Variants in MYT1L observed in about 807,000 individuals in gnomAD.
MYT1L encodes the protein myelin transcription factor 1-like protein.
A neutral mutation model predicts 126.7 loss-of-function variants in MYT1L; 12 were observed. The observed-to-expected ratio is 0.09, with a 90% confidence interval of 0.06 to 0.15. MYT1L has a LOEUF of 0.15. Among genes scored for constraint, MYT1L ranks in the 10% least tolerant of loss-of-function variants. The pLI is 1.00. For missense variants in MYT1L, 979 were observed against 1,585.2 expected, an observed-to-expected ratio of 0.62 and a Z score of 6.49; for synonymous variants, 541 against 604.2, an observed-to-expected ratio of 0.90 and a Z score of 1.53.
At chr2:1,911,960 G>A (rs1189283153) in intron 12 of MYT1L, 60 bp downstream of exon 12, 2 of 1,344,138 alleles carry the variant, frequency 1.5e-6, no homozygotes, top group Admixed American at 2.1e-5. Context: ...CCCCAGGAAG[G>A]AGAAGGCATG....
intron 9 of MYT1L, among the ~76,000 whole-genome samples, chr2:1,937,785 C>T (rs981093164): frequency 6.6e-6 from 1 of 152,184 alleles, no homozygotes; most frequent in East Asian, 1.9e-4. Context: ...CATCAGATCG[C>T]ACGTGGAGAA....
intron 15 of MYT1L, among the ~76,000 whole-genome samples, chr2:1,891,278 G>A (rs1451698581): frequency 6.6e-6 from 1 of 152,180 alleles, no homozygotes. Context: ...TTGTTTATCA[G>A]GAGAGGAGGT....
intron 2 of MYT1L, among the ~76,000 whole-genome samples, chr2:2,203,038 T>C (rs1323053354): frequency 2.0e-5 from 3 of 150,212 alleles, no homozygotes; most frequent in East Asian, 1.9e-4. Flanking sequence ...ATTATCTCAA[T>C]AGATGCAGAA....
At chr2:1,931,745 A>C (rs2055021597) in intron 9 of MYT1L, among the ~76,000 whole-genome samples, 1 of 152,172 alleles carries the variant, frequency 6.6e-6, no homozygotes, top group Non-Finnish European at 1.5e-5. Context: ...ATCCACCAAT[A>C]GAAGGGATTC....
At chr2:2,317,557 C>G (rs1192153240) in intron 1 of MYT1L, among the ~76,000 whole-genome samples, 1 of 151,618 alleles carries the variant, frequency 6.6e-6, no homozygotes, top group Non-Finnish European at 1.5e-5. Flanking sequence ...ATGTCATTGT[C>G]TAGGTTGACT....
intron 4 of MYT1L, among the ~76,000 whole-genome samples, chr2:2,004,290 C>CATTCTTTCCT (rs2062847414): frequency 7.2e-6 from 1 of 139,238 alleles, no homozygotes; most frequent in Non-Finnish European, 1.6e-5. Flanking sequence ...TTCCTGCATG[C>CATTCTTTCCT]GTTCTTTCCT....
At chr2:1,821,443 G>A (rs891129498) in intron 21 of MYT1L, among the ~76,000 whole-genome samples, 5 of 151,934 alleles carry the variant, frequency 3.3e-5, no homozygotes, top group African/African-American at 1.2e-4. Flanking sequence ...CGTGTTCTCT[G>A]AATGTTTCTT....
At chr2:2,145,642 G>GACAC (rs139332300) in intron 3 of MYT1L, among the ~76,000 whole-genome samples, 2,557 of 146,506 alleles carry the variant, frequency 0.017, 67 homozygotes, top group African/African-American at 0.058. Context: ...ACACACACAA[G>GACAC]ACACACACAC....
chr2:2,153,612 G>C (rs2086199976), intron 3 of MYT1L, among the ~76,000 whole-genome samples: 1 of 152,164 alleles, frequency 6.6e-6, no homozygotes, highest in Non-Finnish European at 1.5e-5. Flanking sequence ...TGTCAGGTGT[G>C]GCTTGGAAGA....
In MYT1L at chr2:1,848,882, C is replaced by T. The variant is rs747008474; in HGVS notation, c.2774+2759G>A. On this transcript the variant is annotated intron_variant, in intron 19 of 24. Transcript: ENST00000647738. This position sits in a 1 kb window ranked among gnomAD's most constrained non-coding sequence, Gnocchi z 4.8. ...GGGAAGCTGTTACTAGAACAAGTAA[C>T]GTCACAAGGTGCTCCACCTTCAGTA... is the stretch of plus-strand genomic sequence containing the variant. Among the ~76,000 whole-genome samples the T allele has an allele frequency of 2.0e-5, 3 of 152,128 alleles. No individual in the cohort carries two copies. Among genetic ancestry groups the T allele is most frequent in the East Asian group, 3.9e-4 (2 of 5,178 alleles).
At chr2:2,259,554 G>T (rs2094908439) in intron 2 of MYT1L, among the ~76,000 whole-genome samples, 2 of 151,882 alleles carry the variant, frequency 1.3e-5, no homozygotes, top group South Asian at 4.1e-4. Flanking sequence ...TATTTTAAAA[G>T]AGCTGAAAAA....
intron 3 of MYT1L, among the ~76,000 whole-genome samples, chr2:2,096,725 C>A (rs1006715930): frequency 3.3e-5 from 5 of 152,108 alleles, no homozygotes; most frequent in Non-Finnish European, 7.4e-5. Context: ...TTATCCTACC[C>A]CCAGCTCACC....
chr2:1,927,569 C>A (rs1256202851), intron 9 of MYT1L, among the ~76,000 whole-genome samples: 1 of 152,168 alleles, frequency 6.6e-6, no homozygotes, highest in Non-Finnish European at 1.5e-5. Flanking sequence ...TTGATTCCTG[C>A]AACATCTAGT....
Position 1,979,750 on chromosome 2 carries a change from G to T in MYT1L, c.28C>A (p.His10Asn). MEVDTEEKRHRTRSKGVRVP... is the reference protein window; with the variant it reads MEVDTEEKRNRTRSKGVRVP... ...CGAACCCCTTTGGACCGCGTGCGAT[G>T]CCGCTTCTCCTCGGTGTCCACCTCC... is the stretch of plus-strand genomic sequence containing the variant. Residue 10 changes from histidine to asparagine, a missense_variant, in exon 6 of 25, where the codon CAT becomes AAT. Physicochemically the swap from His to Asn is moderately conservative, Grantham distance 68. Coordinates refer to ENST00000647738, the MANE Select transcript of MYT1L (RefSeq NM_001303052.2). This position sits in a 1 kb window ranked among gnomAD's most constrained non-coding sequence, Gnocchi z 4.0. 1 of 1,613,988 alleles carries T rather than the reference G, an allele frequency of 6.2e-7. No homozygotes were observed. Among genetic ancestry groups the T allele is most frequent in the Non-Finnish European group, 8.5e-7 (1 of 1,179,904 alleles).
At chr2:2,089,877 T>A (rs1393745171) in intron 3 of MYT1L, among the ~76,000 whole-genome samples, 1 of 152,192 alleles carries the variant, frequency 6.6e-6, no homozygotes, top group Non-Finnish European at 1.5e-5. Flanking sequence ...TTCCTGGCAG[T>A]GAAAATATGT....
chr2:1,970,170 C>T (rs1255038745), intron 8 of MYT1L, among the ~76,000 whole-genome samples: 1 of 152,140 alleles, frequency 6.6e-6, no homozygotes, highest in Non-Finnish European at 1.5e-5. Flanking sequence ...CATCCACTTC[C>T]CAGAGCCGGA....
At chr2:2,323,860 A>G (rs1443757841) in intron 1 of MYT1L, among the ~76,000 whole-genome samples, 1 of 152,232 alleles carries the variant, frequency 6.6e-6, no homozygotes, top group African/African-American at 2.4e-5. Flanking sequence ...AATACATACT[A>G]GTCAAAACTA....
chr2:2,184,000 GGAGAAA>G (rs1469726102), intron 2 of MYT1L, among the ~76,000 whole-genome samples: 7 of 144,334 alleles, frequency 4.8e-5, no homozygotes, highest in Non-Finnish European at 7.5e-5. Context: ...AAAGGGGGAG[GGAGAAA>G]GAGAAAGAGA....
intron 18 of MYT1L, among the ~76,000 whole-genome samples, chr2:1,875,389 G>A (rs2046782007): frequency 6.6e-6 from 1 of 152,216 alleles, no homozygotes; most frequent in South Asian, 2.1e-4. Context: ...AGGGAAGGGC[G>A]TGACGTGGTC....
Sources: gnomAD v4.1 joint callset for allele counts (sites outside exome capture counted in the v4.1 genomes callset) on GRCh38, gnomAD v4.1.1 for gene constraint, Gnocchi (gnomAD v3.1) non-coding constraint, MANE v1.5 for transcripts, NCBI Gene and HGNC (gene_info 2026-07-23, HGNC 2026-07-21) for gene names.